Variants in FAM177B observed in about 807,000 individuals in gnomAD.
FAM177B encodes the protein protein FAM177B.
Under a neutral mutation model 16.1 loss-of-function variants are expected in FAM177B, and 16 were observed. That is an observed-to-expected ratio of 0.99 (90% CI 0.67 to 1.51). The LOEUF (loss-of-function observed/expected upper bound fraction) is 1.51, where lower values mean the gene tolerates loss of function less well. Ranked by LOEUF, FAM177B falls within the 40% of genes most tolerant of loss-of-function variation. The pLI, the probability that FAM177B is intolerant of heterozygous loss-of-function variation, is 0.00. For missense variants in FAM177B, 178 were observed against 183.7 expected (o/e 0.97, Z 0.18); for synonymous variants, 56 against 59.9 (o/e 0.93, Z 0.30).
rs1188168702 is a variant in FAM177B, at chr1:222,741,959, CTTCT to C, written c.-16+3953_-16+3956del. ...CTTTCTTTCTTTCTTTCTTTCCTTC[CTTCT>C]TTCTTTCTTTCTTTTCTTCTTTCAT... On this transcript the variant is annotated intron_variant, in intron 2 of 5. Coordinates refer to ENST00000445590, the MANE Select transcript of FAM177B (RefSeq NM_001394345.1). Among the ~76,000 whole-genome samples, 35 of 105,436 alleles carry C rather than the reference CTTCT, an allele frequency of 3.3e-4. No individual in the cohort carries two copies. The Admixed American group carries it at 4.3e-3, about 13-fold the overall frequency. 69.2% of individuals were successfully genotyped at this position (105,436 alleles called of 152,430 possible). A position where few individuals can be genotyped will look rare whatever the true frequency, so the allele number is the denominator to read the frequency against.
chr1:222,747,097 G>T lies in FAM177B; in HGVS notation c.241+16G>T. 6.4e-7 allele frequency: 1 copy of T among 1,573,464 alleles called. No individual in the cohort carries two copies. Among genetic ancestry groups the T allele is most frequent in the Non-Finnish European group, 8.7e-7 (1 of 1,143,180 alleles). On this transcript the variant is annotated intron_variant, in intron 4 of 5. Coordinates refer to ENST00000445590, the MANE Select transcript of FAM177B (RefSeq NM_001394345.1). Reference sequence around the variant, plus strand: ...TCATTTTCTAGTAAGTACTGCTAAGGTTATTTTTTTCTATCCTAAACAAAT... The same window carrying T: ...TCATTTTCTAGTAAGTACTGCTAAGTTTATTTTTTTCTATCCTAAACAAAT...
At chr1:222,749,745 G>A (rs1472891759) in intron 5 of FAM177B, among the ~76,000 whole-genome samples, 176 bp from the exon 6 acceptor site, 1 of 152,224 alleles carries the variant, frequency 6.6e-6, no homozygotes, top group Non-Finnish European at 1.5e-5. Flanking sequence ...CTTCACATTT[G>A]CCTCACTCCT....
chr1:222,738,564 C>CAAAAAAAAAAAAAAAAAAAA (rs71175182), intron 2 of FAM177B, among the ~76,000 whole-genome samples: 3 of 61,810 alleles, frequency 4.9e-5, no homozygotes, highest in East Asian at 4.4e-4. Context: ...ACAAAAACTG[C>CAAAAAAAAAAAAAAAAAAAA]AAAAAAAAAA....
In FAM177B at chr1:222,746,704, T is replaced by C; in HGVS notation, c.159T>C (p.Asn53=). Residue 53 remains asparagine, a synonymous_variant, in exon 3 of 6, where the codon AAT becomes AAC. Coordinates refer to ENST00000445590, the MANE Select transcript of FAM177B (RefSeq NM_001394345.1). ...EEEEKEEQST[N]STLDPSKLSW... ...AGGAAAAGGAGGAGCAGAGCACAAA[T>C]TCAACACTTGACCCTGTAAGCTTAG... is the stretch of plus-strand genomic sequence containing the variant. The C allele has an allele frequency of 6.2e-7, 1 of 1,610,976 alleles. No homozygotes were observed. Among genetic ancestry groups the C allele is most frequent in the Non-Finnish European group, 8.5e-7 (1 of 1,178,244 alleles).
At chr1:222,744,753 G>A (rs906781922) in intron 2 of FAM177B, among the ~76,000 whole-genome samples, 3 of 152,206 alleles carry the variant, frequency 2.0e-5, no homozygotes, top group Admixed American at 2.0e-4. Flanking sequence ...TTAAATCCAG[G>A]AAGTCTATCT....
intron 2 of FAM177B, among the ~76,000 whole-genome samples, chr1:222,741,252 C>T (rs563368641): frequency 2.6e-5 from 4 of 151,234 alleles, no homozygotes; most frequent in African/African-American, 9.7e-5. Context: ...TTAGTATAGA[C>T]GGGTTTTCGC....
intron 1 of FAM177B, among the ~76,000 whole-genome samples, chr1:222,737,586 GAGT>G (rs1658338116): frequency 6.6e-6 from 1 of 152,194 alleles, no homozygotes; most frequent in African/African-American, 2.4e-5. Context: ...AGTGGTGGGA[GAGT>G]AGTACAAGAT....
At chr1:222,748,913 C>A in intron 4 of FAM177B, 2 of 391,184 alleles carry the variant, frequency 5.1e-6, no homozygotes, top group South Asian at 2.0e-5. Context: ...TTTAGGAAAC[C>A]ACTCATTATT....
At chr1:222,743,310 G>A (rs1314212477) in intron 2 of FAM177B, among the ~76,000 whole-genome samples, 10 of 151,522 alleles carry the variant, frequency 6.6e-5, no homozygotes, top group African/African-American at 2.4e-4. Context: ...ACCATGCCTG[G>A]CTAATTTTTG....
At chr1:222,745,655 C>T (rs1328244228) in intron 2 of FAM177B, among the ~76,000 whole-genome samples, 1 of 151,946 alleles carries the variant, frequency 6.6e-6, no homozygotes, top group Non-Finnish European at 1.5e-5. Flanking sequence ...CGCACAGTGG[C>T]TCATGCCTAT....
At position 222,745,855 on chromosome 1, in the gene FAM177B, G is replaced by A. The variant is rs373280198; in HGVS notation, c.-15-676G>A. ...CTTGAACCCAGGAGGCAGAGGTTGCGGTGAGCCGAGATCACGCCATTGCAC... is the reference window on the plus strand; with the variant it reads ...CTTGAACCCAGGAGGCAGAGGTTGCAGTGAGCCGAGATCACGCCATTGCAC... On this transcript the variant is annotated intron_variant, in intron 2 of 5. Transcript: ENST00000445590. Among the ~76,000 whole-genome samples, 17 of 150,636 alleles carry A rather than the reference G, an allele frequency of 1.1e-4. No homozygotes were observed. In the East Asian group the frequency reaches 2.8e-3, roughly 25 times the overall value.
chr1:222,741,830 C>T (rs141227686), intron 2 of FAM177B, among the ~76,000 whole-genome samples: 7,621 of 136,808 alleles, frequency 0.056, 307 homozygotes, highest in African/African-American at 0.11. Context: ...TTTCTTTTTT[C>T]TTTCTTTCTT....
intron 2 of FAM177B, among the ~76,000 whole-genome samples, chr1:222,743,275 G>A (rs1462125394): frequency 6.6e-6 from 1 of 151,952 alleles, no homozygotes; most frequent in African/African-American, 2.4e-5. Flanking sequence ...AGCTTCCCAA[G>A]TAGCTGGGAT....
chr1:222,740,860 C>T (rs930408998), intron 2 of FAM177B, among the ~76,000 whole-genome samples: 39 of 151,926 alleles, frequency 2.6e-4, no homozygotes, highest in African/African-American at 9.4e-4. Context: ...CCACTATGCC[C>T]AGCTAATTTT....
chr1:222,743,180 C>T (rs1658627506), intron 2 of FAM177B, among the ~76,000 whole-genome samples: 1 of 152,146 alleles, frequency 6.6e-6, no homozygotes, highest in Non-Finnish European at 1.5e-5. Flanking sequence ...CAGTGTCTCA[C>T]TCTGCCGCCC....
In FAM177B at chr1:222,749,960, C is replaced by G; in HGVS notation, c.379C>G (p.Gln127Glu). Residue 127 changes from glutamine to glutamate, a missense_variant, in exon 6 of 6, where the codon CAG (glutamine) becomes GAG (glutamate). Gln to Glu is a conservative substitution (Grantham distance 29). Coordinates refer to ENST00000445590, the MANE Select transcript of FAM177B (RefSeq NM_001394345.1). ...NKSERRGSKA[Q>E]AAEVPNEKCH... is the part of the protein sequence containing the mutation. ...AAGTGAAAGGAGAGGATCAAAGGCC[C>G]AGGCAGCTGAGGTTCCTAATGAAAA... 1 of 1,614,044 alleles carries G rather than the reference C, an allele frequency of 6.2e-7. No individual in the cohort carries two copies. The highest frequency in any genetic ancestry group is 1.1e-5 in the South Asian group (1 of 91,078).
At chr1:222,746,378 G>T (rs1413336776) in intron 2 of FAM177B, among the ~76,000 whole-genome samples, 153 bp from the exon 3 acceptor site, 44 of 152,160 alleles carry the variant, frequency 2.9e-4, no homozygotes, top group Admixed American at 2.9e-3. Context: ...TTTTGGTACA[G>T]AATAGAACAG....
At chr1:222,749,600 G>C in intron 5 of FAM177B, 38 bp downstream of exon 5, 1 of 1,234,946 alleles carries the variant, frequency 8.1e-7, no homozygotes, top group Non-Finnish European at 1.2e-6. Flanking sequence ...GGCCTGAGAT[G>C]GGAATATTGG....
chr1:222,740,617 C>T (rs541547713), intron 2 of FAM177B, among the ~76,000 whole-genome samples: 1 of 152,288 alleles, frequency 6.6e-6, no homozygotes, highest in East Asian at 1.9e-4. Context: ...AGAATTCTGT[C>T]AGCTCATATT....
Sources: gnomAD v4.1 joint callset for allele counts (sites outside exome capture counted in the v4.1 genomes callset) on GRCh38, gnomAD v4.1.1 for gene constraint, MANE v1.5 for transcripts, NCBI Gene and HGNC (gene_info 2026-07-23, HGNC 2026-07-21) for gene names.